The following VPS13B variants were observed in gnomAD, a reference collection of about 807,000 sequenced individuals.
The protein encoded by VPS13B is vacuolar protein sorting 13 homolog B, also known as intermembrane lipid transfer protein VPS13B.
Under a neutral mutation model 426.4 loss-of-function variants are expected in VPS13B, and 285 were observed. That is an observed-to-expected ratio of 0.67 (90% CI 0.61 to 0.74). VPS13B has a LOEUF of 0.74. Among genes scored for constraint, VPS13B ranks in the 30% least tolerant of loss-of-function variants. VPS13B has a pLI of 0.00. For missense variants in VPS13B, 4,537 were observed against 4,782.6 expected, an observed-to-expected ratio of 0.95 and a Z score of 1.51; for synonymous variants, 1,676 against 1,676.4, an observed-to-expected ratio of 1.00 and a Z score of 0.01.
chr8:99,852,534 C>G (rs904457933), intron 55 of VPS13B, among the ~76,000 whole-genome samples: 4 of 152,134 alleles, frequency 2.6e-5, no homozygotes, highest in Non-Finnish European at 5.9e-5. Flanking sequence ...AAAAGTATTT[C>G]CAGGAGGAGG....
chr8:99,605,454 C>G (rs947108593), intron 33 of VPS13B, among the ~76,000 whole-genome samples: 1 of 152,044 alleles, frequency 6.6e-6, no homozygotes, highest in Admixed American at 6.6e-5. Flanking sequence ...CTATAGATAA[C>G]TCTAATCCTA....
At chr8:99,746,578 G>T (rs532487906) in intron 39 of VPS13B, among the ~76,000 whole-genome samples, 1 of 152,114 alleles carries the variant, frequency 6.6e-6, no homozygotes, top group Non-Finnish European at 1.5e-5. Context: ...CAAATCTTGC[G>T]CATTCCATAC....
intron 28 of VPS13B, among the ~76,000 whole-genome samples, chr8:99,510,544 C>T (rs1275821530): frequency 6.6e-6 from 1 of 152,110 alleles, no homozygotes; most frequent in Non-Finnish European, 1.5e-5. Flanking sequence ...ACTTTGTTGC[C>T]CAGGTTGGAG....
rs528072553 is a variant in VPS13B at position 99,115,646 on chromosome 8, A to G, written c.763-54A>G. The G allele has an allele frequency of 8.2e-5, 129 of 1,569,968 alleles. No homozygotes were observed. In the East Asian group the frequency reaches 2.2e-3, roughly 27 times the overall value. On this transcript the variant is annotated intron_variant, in intron 6 of 61. Transcript: ENST00000357162. ...ACTTTAAAACATTTCTTTATGTAAA[A>G]AATACTCTTTTTAAACATGCGTTTG...
chr8:99,079,755 G>T (rs780600362), intron 3 of VPS13B, among the ~76,000 whole-genome samples: 3 of 151,780 alleles, frequency 2.0e-5, no homozygotes, highest in Non-Finnish European at 4.4e-5. Flanking sequence ...CCAGTTGAGT[G>T]GTTTTGAAAT....
At chr8:99,465,110 A>G (rs998876929) in intron 23 of VPS13B, among the ~76,000 whole-genome samples, 1 of 152,198 alleles carries the variant, frequency 6.6e-6, no homozygotes, top group Non-Finnish European at 1.5e-5. Flanking sequence ...AGAAAGCTAT[A>G]TGAAGTTCTC....
At chr8:99,014,075 G>A (rs1265126953) in intron 2 of VPS13B, 140 bp downstream of exon 2, 2 of 895,400 alleles carry the variant, frequency 2.2e-6, no homozygotes, top group East Asian at 2.8e-5. Flanking sequence ...GAAACAAGGG[G>A]GCTTTATTTT....
At chr8:99,585,236 A>C (rs1009413495) in intron 33 of VPS13B, among the ~76,000 whole-genome samples, 1 of 152,172 alleles carries the variant, frequency 6.6e-6, no homozygotes, top group Non-Finnish European at 1.5e-5. Context: ...ATACACTAAG[A>C]AGTGTATATT....
intron 13 of VPS13B, among the ~76,000 whole-genome samples, chr8:99,143,508 A>G (rs775903103): frequency 3.9e-5 from 6 of 152,158 alleles, no homozygotes; most frequent in Non-Finnish European, 8.8e-5. Context: ...CTCTAAACAC[A>G]CAAATTTAAC....
chr8:99,803,725 A>G (rs1813249717), intron 43 of VPS13B, among the ~76,000 whole-genome samples: 1 of 152,224 alleles, frequency 6.6e-6, no homozygotes, highest in Non-Finnish European at 1.5e-5. Context: ...AAAAAGCAAT[A>G]ATAAGCAACA....
At chr8:99,500,203 C>T (rs1821153109) in intron 25 of VPS13B, among the ~76,000 whole-genome samples, 1 of 152,012 alleles carries the variant, frequency 6.6e-6, no homozygotes, top group South Asian at 2.1e-4. Flanking sequence ...GTATTTTGTT[C>T]TGACAGTTAA....
intron 35 of VPS13B, among the ~76,000 whole-genome samples, chr8:99,688,133 C>CTT (rs1307921649): frequency 1.3e-3 from 145 of 113,060 alleles, no homozygotes; most frequent in South Asian, 8.1e-3. Flanking sequence ...TCCTTGCTTG[C>CTT]TTTTTTTTTT....
intron 29 of VPS13B, among the ~76,000 whole-genome samples, chr8:99,513,160 G>A (rs971424001): frequency 6.6e-6 from 1 of 150,670 alleles, no homozygotes; most frequent in African/African-American, 2.5e-5. Flanking sequence ...TTTTATACAA[G>A]GATATTGTTT....
intron 34 of VPS13B, among the ~76,000 whole-genome samples, chr8:99,660,753 GA>G (rs1830190775): frequency 6.6e-6 from 1 of 151,582 alleles, no homozygotes. Context: ...AGTCTAAACA[GA>G]AAAAAAGTCA....
intron 17 of VPS13B, chr8:99,209,674 C>A: frequency 1.1e-6 from 1 of 910,662 alleles, no homozygotes; most frequent in Non-Finnish European, 1.3e-6. Flanking sequence ...CCTGAAGTGC[C>A]GGGATTGGAG....
At chr8:99,171,561 G>A (rs1280966630) in intron 16 of VPS13B, among the ~76,000 whole-genome samples, 1 of 151,886 alleles carries the variant, frequency 6.6e-6, no homozygotes, top group Non-Finnish European at 1.5e-5. Flanking sequence ...GATACAAAGA[G>A]GGTATTATGA....
chr8:99,575,912 A>C, intron 32 of VPS13B, 128 bp downstream of exon 32: 1 of 921,250 alleles, frequency 1.1e-6, no homozygotes, highest in East Asian at 2.7e-5. Context: ...GGCTACTATC[A>C]TAGCTAACAT....
At chr8:99,544,264 G>C (rs929964245) in intron 30 of VPS13B, among the ~76,000 whole-genome samples, 1 of 152,034 alleles carries the variant, frequency 6.6e-6, no homozygotes, top group Admixed American at 6.6e-5. Context: ...ACTGAACAAT[G>C]AGAACACTTG....
intron 52 of VPS13B, among the ~76,000 whole-genome samples, chr8:99,833,120 A>C (rs958461060): frequency 7.2e-5 from 11 of 152,264 alleles, no homozygotes; most frequent in African/African-American, 2.4e-4. Flanking sequence ...CAAAAAAGTC[A>C]TTAAGAGAGA....
Sources: allele counts gnomAD v4.1 joint callset (sites outside exome capture counted in the v4.1 genomes callset), GRCh38; gene constraint gnomAD v4.1.1; transcripts MANE v1.5; gene names NCBI Gene and HGNC (gene_info 2026-07-23, HGNC 2026-07-21).